KHDRBS2: variants seen among roughly 807,000 people sequenced by gnomAD.
KHDRBS2 encodes KH domain-containing, RNA-binding, signal transduction-associated protein 2.
In KHDRBS2, 26 loss-of-function variants were observed where a neutral mutation model predicts 44.3. The observed-to-expected ratio is 0.59, with a 90% CI of 0.43 to 0.81. The LOEUF (loss-of-function observed/expected upper bound fraction) is 0.81, where lower values mean the gene tolerates loss of function less well. Among genes scored for constraint, KHDRBS2 ranks in the 40% least tolerant of loss-of-function variants. KHDRBS2 has a pLI of 0.00. For missense variants in KHDRBS2, 476 were observed against 433.1 expected, an observed-to-expected ratio of 1.10 and a Z score of -0.88; for synonymous variants, 194 against 151.1, an observed-to-expected ratio of 1.28 and a Z score of -2.08.
At chr6:61,967,958 A>G (rs1031597336) in intron 4 of KHDRBS2, among the ~76,000 whole-genome samples, 1 of 50,206 alleles carries the variant, frequency 2.0e-5, no homozygotes, top group Non-Finnish European at 4.4e-5. Flanking sequence ...ATATATATAT[A>G]CACACACACA....
chr6:61,922,775 G>C (rs893304674), intron 4 of KHDRBS2, among the ~76,000 whole-genome samples: 5 of 152,046 alleles, frequency 3.3e-5, no homozygotes, highest in Non-Finnish European at 5.9e-5. Flanking sequence ...ATAAAAGCAA[G>C]ACCTAATAGA....
At chr6:62,045,612 G>T (rs1190742224) in intron 3 of KHDRBS2, among the ~76,000 whole-genome samples, 4 of 152,028 alleles carry the variant, frequency 2.6e-5, no homozygotes, top group Non-Finnish European at 4.4e-5. Context: ...AATTAGAACT[G>T]TGAATTACAT....
At chr6:62,262,571 A>G (rs1585490589) in intron 1 of KHDRBS2, among the ~76,000 whole-genome samples, 1 of 151,830 alleles carries the variant, frequency 6.6e-6, no homozygotes, top group African/African-American at 2.4e-5. Flanking sequence ...AGAATTTGAA[A>G]TATAGGTTTT....
intron 2 of KHDRBS2, among the ~76,000 whole-genome samples, chr6:62,107,989 C>T (rs1803904094): frequency 1.3e-5 from 2 of 152,074 alleles, no homozygotes; most frequent in African/African-American, 4.8e-5. Context: ...ACCATAAAAA[C>T]CCTAGAAGAA....
At chr6:61,731,501 A>G (rs1404791104) in intron 7 of KHDRBS2, among the ~76,000 whole-genome samples, 1 of 152,072 alleles carries the variant, frequency 6.6e-6, no homozygotes, top group Non-Finnish European at 1.5e-5. Context: ...TTTATCTTCA[A>G]TACTTTTACT....
chr6:61,598,834 T>A, the KHDRBS2 span, among the ~76,000 whole-genome samples: 1 of 30,914 alleles, frequency 3.2e-5, no homozygotes, highest in South Asian at 7.1e-4. Context: ...CCTTTTTTCT[T>A]TTCTTTTTTT....
At chr6:61,799,718 T>C (rs987730136) in intron 6 of KHDRBS2, among the ~76,000 whole-genome samples, 3 of 152,046 alleles carry the variant, frequency 2.0e-5, no homozygotes, top group African/African-American at 7.2e-5. Context: ...ATTGAGATAG[T>C]GCTTAGAAGA....
At chr6:61,779,921 A>G (rs566167221) in intron 6 of KHDRBS2, among the ~76,000 whole-genome samples, 15 of 148,428 alleles carry the variant, frequency 1.0e-4, no homozygotes, top group Admixed American at 4.0e-4. Context: ...ATGGATCCCA[A>G]TTTCAAAATA....
intron 6 of KHDRBS2, among the ~76,000 whole-genome samples, chr6:61,781,392 G>A (rs1275422699): frequency 1.3e-5 from 2 of 151,974 alleles, no homozygotes; most frequent in Non-Finnish European, 2.9e-5. Flanking sequence ...TAAAAACCCA[G>A]GCTAACCCTT....
chr6:62,276,758 A>G (rs1278878541), intron 1 of KHDRBS2, among the ~76,000 whole-genome samples: 1 of 152,214 alleles, frequency 6.6e-6, no homozygotes, highest in Non-Finnish European at 1.5e-5. Context: ...AACAACATTG[A>G]TCTTCTAGAT....
Position 61,760,096 on chromosome 6 carries a change from T to C in KHDRBS2, c.811-27332A>G, listed in dbSNP as rs201086056. Among the ~76,000 whole-genome samples, 9 of 152,308 alleles carry C rather than the reference T, an allele frequency of 5.9e-5. No individual in the cohort carries two copies. The East Asian group carries it at 1.7e-3, about 29-fold the overall frequency. On this transcript the variant is annotated intron_variant, in intron 6 of 8. Coordinates refer to ENST00000281156, the MANE Select transcript of KHDRBS2 (RefSeq NM_152688.4). ...GTTGAACCTCATCTAAAAAAATGAG[T>C]TATTTAAAATGAATGCTGTATTATT...
intron 6 of KHDRBS2, among the ~76,000 whole-genome samples, chr6:61,795,645 C>T (rs1275734323): frequency 1.3e-5 from 2 of 151,998 alleles, no homozygotes; most frequent in Non-Finnish European, 2.9e-5. Flanking sequence ...TTTTACTTGC[C>T]ACAATTTTCT....
At chr6:61,950,580 T>C (rs1313506845) in intron 4 of KHDRBS2, among the ~76,000 whole-genome samples, 3 of 152,068 alleles carry the variant, frequency 2.0e-5, no homozygotes, top group Non-Finnish European at 2.9e-5. Context: ...GTAATTCTCT[T>C]ATCTTGATGG....
At chr6:62,246,749 T>C (rs1835646445) in intron 1 of KHDRBS2, among the ~76,000 whole-genome samples, 1 of 152,004 alleles carries the variant, frequency 6.6e-6, no homozygotes, top group Admixed American at 6.6e-5. Flanking sequence ...TTTTTCCTAA[T>C]TTGGTAAGTC....
the KHDRBS2 span, among the ~76,000 whole-genome samples, chr6:61,562,150 A>G: frequency 6.6e-6 from 1 of 152,216 alleles, no homozygotes; most frequent in South Asian, 2.1e-4. Flanking sequence ...GGGCAAAAAT[A>G]TCATAAAAAT....
At chr6:62,157,280 T>C (rs1363011580) in intron 2 of KHDRBS2, among the ~76,000 whole-genome samples, 1 of 151,538 alleles carries the variant, frequency 6.6e-6, no homozygotes, top group Admixed American at 6.6e-5. Context: ...TGAGCCAAGA[T>C]AGCGCCACTG....
At chr6:61,607,515 C>A in the KHDRBS2 span, among the ~76,000 whole-genome samples, 1 of 8,430 alleles carries the variant, frequency 1.2e-4, no homozygotes, top group Non-Finnish European at 3.2e-4. Flanking sequence ...CATATGAGTT[C>A]CAAGCAAAAA....
intron 2 of KHDRBS2, among the ~76,000 whole-genome samples, chr6:62,064,001 C>T (rs376467786): frequency 6.8e-6 from 1 of 148,082 alleles, no homozygotes; most frequent in Middle Eastern, 3.2e-3. Context: ...CAAACAGAGA[C>T]CCAAATCATG....
At position 61,707,645 on chromosome 6, in the gene KHDRBS2, GT is replaced by G. The variant is rs1769809338; in HGVS notation, c.894-10393del. On this transcript the variant is annotated intron_variant, in intron 7 of 8. Coordinates refer to ENST00000281156, the MANE Select transcript of KHDRBS2 (RefSeq NM_152688.4). ...TTTGATAACTAAATTAAATAAATGA[GT>G]AGTAGTCTCCGAATCCGGTCATGAT... is the stretch of plus-strand genomic sequence containing the variant. Among the ~76,000 whole-genome samples the G allele has an allele frequency of 2.6e-5, 4 of 151,770 alleles. No individual in the cohort carries two copies. The South Asian group carries it at 8.3e-4, about 31-fold the overall frequency.
Sources: gnomAD v4.1 joint callset for allele counts (sites outside exome capture counted in the v4.1 genomes callset) on GRCh38, gnomAD v4.1.1 for gene constraint, MANE v1.5 for transcripts, NCBI Gene and HGNC (gene_info 2026-07-23, HGNC 2026-07-21) for gene names.